The following KCNN2 variants were observed in gnomAD, a reference collection of about 807,000 sequenced individuals.
KCNN2 encodes small conductance calcium-activated potassium channel protein 2.
KCNN2 carries 24 observed loss-of-function variants against 55.5 expected under a neutral mutation model. The observed-to-expected ratio is 0.43, with a 90% CI of 0.31 to 0.61. KCNN2 has a LOEUF of 0.61. Among genes scored for constraint, KCNN2 ranks in the 20% least tolerant of loss-of-function variants. The pLI is 0.08. For synonymous variants in KCNN2, 431 were observed against 336.1 expected (o/e 1.28, Z -3.09); for missense variants, 754 against 853.6 (o/e 0.88, Z 1.45).
At chr5:114,427,858 AAC>A (rs1185378417) in intron 3 of KCNN2, among the ~76,000 whole-genome samples, 1 of 152,222 alleles carries the variant, frequency 6.6e-6, no homozygotes, top group African/African-American at 2.4e-5. Flanking sequence ...ACTGCATTAT[AAC>A]AGAGTCATTC....
intron 2 of KCNN2, among the ~76,000 whole-genome samples, chr5:114,327,887 A>G (rs4705663): frequency 0.3 from 45,790 of 152,124 alleles, 7,192 homozygotes; most frequent in Non-Finnish European, 0.35. Flanking sequence ...ATCCTCTTCT[A>G]GAAATACTGC....
chr5:114,066,071 C>A (rs1316389234), intron 1 of KCNN2, among the ~76,000 whole-genome samples: 2 of 151,958 alleles, frequency 1.3e-5, no homozygotes, highest in Non-Finnish European at 2.9e-5. Flanking sequence ...GGAAGATTTC[C>A]TGTTCAGAGC....
At chr5:114,491,524 TTA>T (rs1460090482) in intron 6 of KCNN2, among the ~76,000 whole-genome samples, 4 of 146,054 alleles carry the variant, frequency 2.7e-5, no homozygotes, top group African/African-American at 1.0e-4. Context: ...TTTTTTTTTT[TTA>T]AAAAAAGAAA....
intron 3 of KCNN2, among the ~76,000 whole-genome samples, chr5:114,455,968 A>G (rs1760905245): frequency 6.6e-6 from 1 of 152,234 alleles, no homozygotes; most frequent in South Asian, 2.1e-4. Context: ...CCATCTTTAT[A>G]ACATAAAAGC....
At chr5:114,461,562 A>ATTCT in intron 3 of KCNN2, among the ~76,000 whole-genome samples, 1 of 152,166 alleles carries the variant, frequency 6.6e-6, no homozygotes, top group East Asian at 1.9e-4. Flanking sequence ...TAGCTTCTCT[A>ATTCT]TTCTTTGGAA....
At chr5:114,200,932 T>C (rs1348780233) in intron 1 of KCNN2, among the ~76,000 whole-genome samples, 2 of 152,098 alleles carry the variant, frequency 1.3e-5, no homozygotes, top group Admixed American at 1.3e-4. Context: ...TGCCTGTTTT[T>C]AGGCTCAGAG....
At chr5:114,395,117 G>A (rs947905572) in intron 2 of KCNN2, among the ~76,000 whole-genome samples, 2 of 152,158 alleles carry the variant, frequency 1.3e-5, no homozygotes, top group Admixed American at 1.3e-4. Context: ...CCTTGCAGAG[G>A]AAAAGCACAT....
chr5:114,288,632 A>G (rs1755812970), intron 2 of KCNN2, among the ~76,000 whole-genome samples: 1 of 152,076 alleles, frequency 6.6e-6, no homozygotes. Context: ...AATATTATGC[A>G]TATTTTCATG....
intron 1 of KCNN2, among the ~76,000 whole-genome samples, chr5:114,100,745 G>A (rs1304759325): frequency 6.6e-6 from 1 of 152,108 alleles, no homozygotes; most frequent in Non-Finnish European, 1.5e-5. Context: ...GGTCAGAGGA[G>A]AAGTATAAGC....
At position 114,466,894 on chromosome 5, in the gene KCNN2, A is replaced by G. The variant is rs142979486; in HGVS notation, c.1779+3704A>G. 1.4e-4 allele frequency among the ~76,000 whole-genome samples: 22 copies of G among 152,268 alleles called. No individual in the cohort carries two copies. The South Asian group carries it at 1.9e-3, about 13-fold the overall frequency. On this transcript the variant is annotated intron_variant, in intron 4 of 7. Coordinates refer to ENST00000673685, the MANE Select transcript of KCNN2 (RefSeq NM_021614.4). ...TTTCTTCCATCCCACTAGTAGTTCT[A>G]TGTAAACAAAAGCAATGCGTAAAGC...
intron 2 of KCNN2, among the ~76,000 whole-genome samples, chr5:114,290,795 C>T (rs1416713154): frequency 6.6e-6 from 1 of 152,014 alleles, no homozygotes. Flanking sequence ...TTTTTGTTTA[C>T]TTTTATCTCT....
In KCNN2 at chr5:114,084,613, C is replaced by T. The variant is rs184874760; in HGVS notation, c.-271+28113C>T. Among the ~76,000 whole-genome samples the T allele has an allele frequency of 5.4e-3, 814 of 151,920 alleles. 10 individuals carry two copies. The highest frequency in any genetic ancestry group is 0.018 in the African/African-American group (760 of 41,458). ...TTGTAAATATTTTTCCCAATGTCACCTGTCTTTTAGTACTCTTAACAATGT... is the reference window on the plus strand; with the variant it reads ...TTGTAAATATTTTTCCCAATGTCACTTGTCTTTTAGTACTCTTAACAATGT... On this transcript the variant is annotated intron_variant, in intron 1 of 10. Transcript: ENST00000512097.
At chr5:114,091,898 G>C (rs926684022) in intron 1 of KCNN2, among the ~76,000 whole-genome samples, 4 of 152,286 alleles carry the variant, frequency 2.6e-5, no homozygotes, top group Admixed American at 2.6e-4. Flanking sequence ...GGGGATTATG[G>C]GGATTATGAT....
intron 2 of KCNN2, among the ~76,000 whole-genome samples, chr5:114,266,967 A>G (rs989293193): frequency 6.7e-6 from 1 of 148,284 alleles, no homozygotes; most frequent in Admixed American, 6.8e-5. Flanking sequence ...TGATATTAAG[A>G]TGCTTCACGA....
At chr5:114,334,474 T>C (rs1167587995) in intron 2 of KCNN2, among the ~76,000 whole-genome samples, 2 of 152,014 alleles carry the variant, frequency 1.3e-5, no homozygotes, top group Non-Finnish European at 2.9e-5. Context: ...TATATAGATA[T>C]ATATACACAC....
At position 114,472,954 on chromosome 5, in the gene KCNN2, C is replaced by A; in HGVS notation, c.1780-100C>A. ...ACTTATTGAAGACAATGTTTTTAAT[C>A]CTGAGAAACTTTTGCATTTGATGCA... On this transcript the variant is annotated intron_variant, in intron 4 of 7. Coordinates refer to ENST00000673685, the MANE Select transcript of KCNN2 (RefSeq NM_021614.4). The A allele has an allele frequency of 4.8e-6, 3 of 626,114 alleles. No homozygotes were observed. The South Asian group carries it at 7.7e-5, about 16-fold the overall frequency. The allele number at this position is 626,114 out of a possible 1,614,324, so 38.8% of individuals were successfully genotyped here. A position where few individuals can be genotyped will look rare whatever the true frequency, so the allele number is the denominator to read the frequency against.
chr5:114,119,980 A>G (rs1751793237), intron 1 of KCNN2, among the ~76,000 whole-genome samples: 1 of 152,172 alleles, frequency 6.6e-6, no homozygotes, highest in African/African-American at 2.4e-5. Context: ...AGAAAAACAC[A>G]GCATGTGCGC....
chr5:114,115,452 A>C (rs1751691712), intron 1 of KCNN2, among the ~76,000 whole-genome samples: 1 of 152,106 alleles, frequency 6.6e-6, no homozygotes, highest in Non-Finnish European at 1.5e-5. Flanking sequence ...TGATTATATA[A>C]GGCTGATGAT....
At chr5:114,117,888 A>G (rs1009077508) in intron 1 of KCNN2, among the ~76,000 whole-genome samples, 1 of 152,162 alleles carries the variant, frequency 6.6e-6, no homozygotes, top group Admixed American at 6.5e-5. Flanking sequence ...TTTAATCCCT[A>G]TAGGTAAGTG....
Sources: gnomAD v4.1 joint callset for allele counts (sites outside exome capture counted in the v4.1 genomes callset) on GRCh38, gnomAD v4.1.1 for gene constraint, MANE v1.5 for transcripts, NCBI Gene and HGNC (gene_info 2026-07-23, HGNC 2026-07-21) for gene names.